The following PLTP variants were observed in gnomAD, a reference collection of about 807,000 sequenced individuals.
PLTP encodes phospholipid transfer protein.
PLTP carries 43 observed loss-of-function variants against 54.1 expected under a neutral mutation model. That is an observed-to-expected ratio of 0.79 (90% CI 0.62 to 1.02). The LOEUF is 1.02. Among genes scored for constraint, PLTP ranks in the 50% least tolerant of loss-of-function variants. The probability of loss-of-function intolerance (pLI) is 0.00; values close to 1 mark genes in which losing one functional copy is unlikely to be tolerated. For synonymous variants in PLTP, 263 were observed against 264.6 expected (o/e 0.99, Z 0.06); for missense variants, 604 against 645.9 (o/e 0.94, Z 0.70).
rs375620833 is a variant in PLTP, at chr20:45,899,907, A to G, written c.1176-29T>C. On this transcript the variant is annotated intron_variant, in intron 12 of 15. Coordinates refer to ENST00000372431, the MANE Select transcript of PLTP (RefSeq NM_006227.4). Reference sequence around the variant, plus strand: ...CGGGAAAGAAAGGAGCCCTGTGGGCAGGAAGCCTGGAAGCTCCCCTTCCTC... The same window carrying G: ...CGGGAAAGAAAGGAGCCCTGTGGGCGGGAAGCCTGGAAGCTCCCCTTCCTC... 4.2e-5 allele frequency: 60 copies of G among 1,444,266 alleles called. No homozygotes were observed. In the East Asian group the frequency reaches 1.7e-3, roughly 41 times the overall value. 89.5% of individuals were successfully genotyped at this position (1,444,266 alleles called of 1,614,324 possible). A position where few individuals can be genotyped will look rare whatever the true frequency, so the allele number is the denominator to read the frequency against.
chr20:45,904,865 CAG>C lies in PLTP; in HGVS notation c.883-8_883-7del, dbSNP rs1206991640. 1 of 1,614,218 alleles carries C rather than the reference CAG, an allele frequency of 6.2e-7. No individual in the cohort carries two copies. Among genetic ancestry groups the C allele is most frequent in the Admixed American group, 1.7e-5 (1 of 60,026 alleles). On this transcript the variant is annotated splice_region_variant and splice_polypyrimidine_tract_variant and intron_variant, in intron 9 of 15. Transcript: ENST00000372431. ...ATGTCCAGGTCGTGGGGCACCTGAA[CAG>C]GGGAATCAGGAGTGAGGGAGTGAGC... is the stretch of plus-strand genomic sequence containing the variant.
At chr20:45,902,680 G>A in intron 10 of PLTP, 76 bp from the exon 11 acceptor site, 1 of 1,450,204 alleles carries the variant, frequency 6.9e-7, no homozygotes, top group Non-Finnish European at 9.3e-7. Context: ...GGGGAAGGAA[G>A]GCAGGTGCAG....
chr20:45,905,187 TC>T, intron 8 of PLTP, 69 bp from the exon 9 acceptor site: 1 of 1,422,676 alleles, frequency 7.0e-7, no homozygotes, highest in Non-Finnish European at 9.9e-7. Flanking sequence ...AGCAGGTGTC[TC>T]CCAGCCCCGT....
rs767960442 is a variant in PLTP at position 45,899,660 on chromosome 20, T to A, written c.1244A>T (p.Lys415Met). The A allele has an allele frequency of 1.7e-5, 28 of 1,613,818 alleles. No homozygotes were observed. The highest frequency in any genetic ancestry group is 2.2e-5 in the Non-Finnish European group (26 of 1,179,942). The change falls in exon 14 of 16, where the codon AAG becomes ATG. Residue 415 changes from lysine to methionine, a missense_variant. Transcript: ENST00000372431. ...CATCACCCCAATCTGCAGCATGGTC[T>A]TCAGAGGGGCCTGTAATGGGATCAG... ...LALIPLQAPL[K>M]TMLQIGVMPM...
intron 3 of PLTP, 75 bp downstream of exon 3, chr20:45,911,077 A>G: frequency 3.1e-6 from 5 of 1,610,350 alleles, no homozygotes; most frequent in Admixed American, 3.3e-5. Context: ...GTCTCCCGAG[A>G]CCCTGAGATT....
chr20:45,910,239 G>A (rs1439845317), intron 3 of PLTP, among the ~76,000 whole-genome samples, 169 bp from the exon 4 acceptor site: 2 of 152,172 alleles, frequency 1.3e-5, no homozygotes, highest in Non-Finnish European at 2.9e-5. Flanking sequence ...GTGGCTCAAA[G>A]TTGAACTTGG....
chr20:45,902,179 G>A (rs1296665081), intron 12 of PLTP, 88 bp downstream of exon 12: 3 of 1,374,406 alleles, frequency 2.2e-6, no homozygotes, highest in Non-Finnish European at 2.0e-6. Flanking sequence ...GTGGCTTACA[G>A]GTATCACTGT....
chr20:45,911,340 C>T lies in PLTP; in HGVS notation c.100+13G>A. On this transcript the variant is annotated intron_variant, in intron 2 of 15. Coordinates refer to ENST00000372431, the MANE Select transcript of PLTP (RefSeq NM_006227.4). ...TCCGCTCCCGTCCGTCCCTGTCTGC[C>T]CCTGCGCCTTACCCAGCTCCAGCGC... 6.2e-7 allele frequency: 1 copy of T among 1,613,662 alleles called. No homozygotes were observed. The highest frequency in any genetic ancestry group is 8.5e-7 in the Non-Finnish European group (1 of 1,180,004).
At chr20:45,908,962 A>ATTTTTT (rs772186266) in intron 5 of PLTP, among the ~76,000 whole-genome samples, 1 of 117,982 alleles carries the variant, frequency 8.5e-6, no homozygotes, top group Non-Finnish European at 1.7e-5. Flanking sequence ...GCTGTTCTAA[A>ATTTTTT]TTTTTTTTTT....
At position 45,911,467 on chromosome 20, in the gene PLTP, G is replaced by C. The variant is rs373756659; in HGVS notation, c.-11-4C>G. On this transcript the variant is annotated splice_region_variant and splice_polypyrimidine_tract_variant and intron_variant, in intron 1 of 15. Transcript: ENST00000372431. ...AAGAGGGCCATGGCGAGCGGGCCTG[G>C]GGGTGGGGTGGGGTCGCAGGAGTTA... 1.6e-5 allele frequency: 26 copies of C among 1,600,932 alleles called. No homozygotes were observed. In the African/African-American group the frequency reaches 3.1e-4, roughly 19 times the overall value.
chr20:45,910,907 G>A, intron 3 of PLTP: 2 of 1,402,426 alleles, frequency 1.4e-6, no homozygotes, highest in East Asian at 2.7e-5. Flanking sequence ...CACATCCACT[G>A]GTCCTGCTTC....
Position 45,899,840 on chromosome 20 carries a change from A to C in PLTP, c.1214T>G (p.Leu405Arg), listed in dbSNP as rs1472662668. The C allele has an allele frequency of 7.7e-6, 7 of 912,934 alleles. No individual in the cohort carries two copies. Among genetic ancestry groups the C allele is most frequent in the Non-Finnish European group, 1.1e-5 (7 of 662,890 alleles). The allele number at this position is 912,934 out of a possible 1,614,324, so 56.6% of individuals were successfully genotyped here. A position where few individuals can be genotyped will look rare whatever the true frequency, so the allele number is the denominator to read the frequency against. The change falls in exon 13 of 16, where the codon CTG becomes CGG. Residue 405 changes from leucine (L) to arginine (R), a missense_variant. By Grantham distance (102) the Leu-to-Arg change is moderately radical. Transcript: ENST00000372431. ...IYSNHSALESLALIPLQAPLK... is the reference protein window; with the variant it reads ...IYSNHSALESRALIPLQAPLK... ...CACCCACCCTTCCCCACTCACAGCC[A>C]GCGACTCCAGTGCAGAATGGTTGGA...
rs1176937656 is a variant in PLTP at position 45,899,997 on chromosome 20, T to C, written c.1176-119A>G. ...AGGCTCAGATGCCCACCTAGGCACCTTTCCAAGTGCTACAACTTTCCAGGT... is the reference window on the plus strand; with the variant it reads ...AGGCTCAGATGCCCACCTAGGCACCCTTCCAAGTGCTACAACTTTCCAGGT... On this transcript the variant is annotated intron_variant, in intron 12 of 15. Transcript: ENST00000372431. The C allele has an allele frequency of 3.6e-6, 3 of 831,542 alleles. No individual in the cohort carries two copies. The African/African-American group carries it at 5.1e-5, about 14-fold the overall frequency. The allele number at this position is 831,542 out of a possible 1,614,324, so 51.5% of individuals were successfully genotyped here. A position where few individuals can be genotyped will look rare whatever the true frequency, so the allele number is the denominator to read the frequency against.
rs1253756814 is a variant in PLTP at position 45,899,508 on chromosome 20, A to T, written c.1313T>A (p.Leu438Gln). Residue 438 changes from leucine to glutamine, a missense_variant, in exon 15 of 16, where the codon CTA becomes CAA. Leu to Gln is a moderately radical substitution (Grantham distance 113, BLOSUM62 -2). Coordinates refer to ENST00000372431, the MANE Select transcript of PLTP (RefSeq NM_006227.4). ...ERTWRGVQIP[L>Q]PEGINFVHEV... is the part of the protein sequence containing the mutation. The stretch of plus-strand genomic sequence containing the variant: ...ATGCACAAAGTTGATGCCCTCAGGT[A>T]GTGGGATCTGCACCCCACGCCAGGT... 1 of 1,614,094 alleles carries T rather than the reference A, an allele frequency of 6.2e-7. No homozygotes were observed. Among genetic ancestry groups the T allele is most frequent in the South Asian group, 1.1e-5 (1 of 91,084 alleles).
Position 45,910,033 on chromosome 20 carries a change from G to T in PLTP, c.238C>A (p.Leu80Ile), listed in dbSNP as rs775773457. Reference sequence around the variant, plus strand: ...AGCTCCTGCTGTGGCTGGAAATCGAGCTCGGAAGATGTCAGTTGCAGCTCT... The same window carrying T: ...AGCTCCTGCTGTGGCTGGAAATCGATCTCGGAAGATGTCAGTTGCAGCTCT... The part of the protein sequence containing the change: ...VTELQLTSSE[L>I]DFQPQQELML... Residue 80 changes from leucine (L) to isoleucine (I), a missense_variant, in exon 4 of 16, where the codon CTC becomes ATC. Transcript: ENST00000372431. 3.1e-6 allele frequency: 5 copies of T among 1,614,120 alleles called. No individual in the cohort carries two copies. Among genetic ancestry groups the T allele is most frequent in the Non-Finnish European group, 2.5e-6 (3 of 1,179,978 alleles).
chr20:45,899,617 C>T lies in PLTP; in HGVS notation c.1282+5G>A, dbSNP rs369045877. The T allele has an allele frequency of 6.2e-7, 1 of 1,614,102 alleles. No homozygotes were observed. The highest frequency in any genetic ancestry group is 1.1e-5 in the South Asian group (1 of 91,084). ...TCTTCCTCCATCCTCACACCCCAGC[C>T]TTACCATTGAGCATGGGCATCACCC... On this transcript the variant is annotated splice_donor_5th_base_variant and intron_variant, in intron 14 of 15. Transcript: ENST00000372431.
chr20:45,902,302 C>A lies in PLTP; in HGVS notation c.1140G>T (p.Arg380=). ...DARLSAKMAL[R]GKALRTQLDL... is the part of the protein sequence containing the mutation. ...CCAGCTGCGTGCGCAGGGCCTTCCC[C>A]CGGAGAGCCATCTTGGCGCTGAGAC... The change falls in exon 12 of 16, where the codon CGG becomes CGT. Residue 380 remains arginine, a synonymous_variant. Transcript: ENST00000372431. The A allele has an allele frequency of 1.2e-6, 2 of 1,614,120 alleles. No individual in the cohort carries two copies. The highest frequency in any genetic ancestry group is 1.7e-6 in the Non-Finnish European group (2 of 1,180,038).
At chr20:45,905,194 C>G (rs900284309) in intron 8 of PLTP, 76 bp from the exon 9 acceptor site, 77 of 1,351,748 alleles carry the variant, frequency 5.7e-5, no homozygotes, top group Non-Finnish European at 7.8e-5. Flanking sequence ...GTCTCCCAGC[C>G]CCGTGCTAGG....
Position 45,899,821 on chromosome 20 carries a change from C to G in PLTP, c.1218+15G>C. The G allele has an allele frequency of 6.5e-7, 1 of 1,529,740 alleles. No homozygotes were observed. The highest frequency in any genetic ancestry group is 1.4e-5 in the African/African-American group (1 of 71,784). The allele number at this position is 1,529,740 out of a possible 1,614,324, so 94.8% of individuals were successfully genotyped here. ...TCACGAACCCAGCCCAGCCCACCCA[C>G]CCTTCCCCACTCACAGCCAGCGACT... On this transcript the variant is annotated intron_variant, in intron 13 of 15. Transcript: ENST00000372431.
Sources: gnomAD v4.1 joint callset for allele counts (sites outside exome capture counted in the v4.1 genomes callset) on GRCh38, gnomAD v4.1.1 for gene constraint, MANE v1.5 for transcripts, NCBI Gene and HGNC (gene_info 2026-07-23, HGNC 2026-07-21) for gene names.